The following KAZN variants were observed in gnomAD, a reference collection of about 807,000 sequenced individuals.
The protein encoded by KAZN is kazrin, periplakin interacting protein.
A neutral mutation model predicts 87.4 loss-of-function variants in KAZN; 40 were observed. The ratio of observed to expected loss-of-function variants is 0.46; its 90% CI spans 0.36 to 0.60. The LOEUF (loss-of-function observed/expected upper bound fraction) is 0.60. Ranked by LOEUF, KAZN falls within the 20% of genes least tolerant of loss-of-function variation. The pLI is 0.00. For missense variants in KAZN, 898 were observed against 1,073.9 expected, an observed-to-expected ratio of 0.84 and a Z score of 2.29; for synonymous variants, 466 against 458.3, an observed-to-expected ratio of 1.02 and a Z score of -0.22.
intron 2 of KAZN, among the ~76,000 whole-genome samples, chr1:14,472,444 A>G (rs1431698266): frequency 6.6e-6 from 1 of 152,142 alleles, no homozygotes; most frequent in Non-Finnish European, 1.5e-5. Context: ...TGACAATGCC[A>G]TATCAACATG....
chr1:14,340,558 G>A (rs185239656), intron 2 of KAZN, among the ~76,000 whole-genome samples: 3 of 152,262 alleles, frequency 2.0e-5, no homozygotes, highest in Admixed American at 6.5e-5. Context: ...AAAAATGTGT[G>A]TTTCAGTGCC....
intron 14 of KAZN, chr1:15,114,168 G>A (rs1036295547): frequency 2.5e-5 from 7 of 278,862 alleles, no homozygotes; most frequent in Non-Finnish European, 3.5e-5. Context: ...CACCCACCAA[G>A]GAGGGAAGAA....
At chr1:14,114,195 CA>C (rs1377105775) in intron 1 of KAZN, among the ~76,000 whole-genome samples, 1 of 152,210 alleles carries the variant, frequency 6.6e-6, no homozygotes, top group African/African-American at 2.4e-5. Context: ...TTCAGGGCCA[CA>C]GCAGCAGACG....
chr1:14,744,467 G>A (rs1305555101), intron 1 of KAZN, among the ~76,000 whole-genome samples: 7 of 152,002 alleles, frequency 4.6e-5, no homozygotes, highest in African/African-American at 1.7e-4. Flanking sequence ...GATGGCTCAC[G>A]CCTGTAATCC....
chr1:14,979,049 C>T (rs1210711557), intron 2 of KAZN, among the ~76,000 whole-genome samples: 5 of 151,824 alleles, frequency 3.3e-5, no homozygotes, highest in South Asian at 4.2e-4. Context: ...GGATTACAGG[C>T]GCCTGCCACC....
chr1:13,906,897 A>G (rs1215239423), intron 1 of KAZN, among the ~76,000 whole-genome samples: 3 of 152,202 alleles, frequency 2.0e-5, no homozygotes, highest in Non-Finnish European at 4.4e-5. Flanking sequence ...AGCGACAGTC[A>G]GGCAAACAGA....
At chr1:14,752,177 A>T (rs553283571) in intron 1 of KAZN, among the ~76,000 whole-genome samples, 4 of 152,304 alleles carry the variant, frequency 2.6e-5, no homozygotes, top group African/African-American at 9.6e-5. Context: ...TTCATGAAGA[A>T]TCTGCCCCTA....
rs574217047 is a variant in KAZN, at chr1:14,090,836, G to A, written c.92-89599G>A. On this transcript the variant is annotated intron_variant, in intron 1 of 16. Coordinates refer to the KAZN transcript ENST00000636203. ...TCAGCTAAACACTAGAGGAACAGCC[G>A]GGTGCGGTGGCTCAGGCCTGTAATC... Among the ~76,000 whole-genome samples the A allele has an allele frequency of 3.4e-4, 52 of 152,218 alleles. 1 individual carries two copies. In the South Asian group the frequency reaches 5.8e-3, roughly 17 times the overall value.
At chr1:14,723,650 C>G (rs1483566533) in intron 1 of KAZN, among the ~76,000 whole-genome samples, 1 of 152,242 alleles carries the variant, frequency 6.6e-6, no homozygotes, top group Admixed American at 6.5e-5. Context: ...CCCTCTCTCT[C>G]CTGCATTCGT....
rs72867353 is a variant in KAZN, at chr1:14,331,134, G to A, written c.249+150542G>A. ...CCTTGTTTTTAAATGGAATAGGAAA[G>A]TCCTGGTGGCCCCTTTTACCTCTGC... On this transcript the variant is annotated intron_variant, in intron 2 of 16. Coordinates refer to the KAZN transcript ENST00000636203. Among the ~76,000 whole-genome samples the A allele has an allele frequency of 2.8e-3, 432 of 152,278 alleles. 2 individuals carry two copies. Among genetic ancestry groups the A allele is most frequent in the African/African-American group, 9.9e-3 (411 of 41,558 alleles).
intron 2 of KAZN, among the ~76,000 whole-genome samples, chr1:14,482,164 T>A (rs536946162): frequency 1.6e-4 from 25 of 152,114 alleles, no homozygotes; most frequent in African/African-American, 5.1e-4. Flanking sequence ...ACAGGTGCCA[T>A]CTACCAAGGA....
chr1:13,900,608 G>A (rs914933936), intron 1 of KAZN, among the ~76,000 whole-genome samples: 3 of 152,200 alleles, frequency 2.0e-5, no homozygotes, highest in Admixed American at 2.0e-4. Flanking sequence ...TACATCAGAA[G>A]TAGTCTTATT....
intron 2 of KAZN, among the ~76,000 whole-genome samples, chr1:15,011,209 C>T (rs1285697022): frequency 1.3e-5 from 2 of 152,174 alleles, no homozygotes; most frequent in African/African-American, 4.8e-5. Flanking sequence ...TGGGACCTAC[C>T]CTGCTTATGT....
intron 8 of KAZN, among the ~76,000 whole-genome samples, chr1:15,074,014 C>A (rs2100602501): frequency 6.6e-6 from 1 of 152,352 alleles, no homozygotes; most frequent in South Asian, 2.1e-4. Flanking sequence ...CAGCCCAGCG[C>A]CTTCAGGGCC....
chr1:14,397,882 A>AAT (rs1040210161), intron 2 of KAZN, among the ~76,000 whole-genome samples: 7 of 150,418 alleles, frequency 4.7e-5, no homozygotes, highest in African/African-American at 7.3e-5. Flanking sequence ...AAAAAAAAAA[A>AAT]GGCAGAAGGA....
At chr1:15,015,334 G>T (rs1669979301) in intron 2 of KAZN, among the ~76,000 whole-genome samples, 1 of 152,024 alleles carries the variant, frequency 6.6e-6, no homozygotes, top group Admixed American at 6.5e-5. Context: ...TGTATTTTTA[G>T]TAGAGACGGG....
chr1:14,794,911 A>G lies in KAZN; in HGVS notation c.227-165773A>G, dbSNP rs189480648. 7.9e-3 allele frequency among the ~76,000 whole-genome samples: 1,209 copies of G among 152,320 alleles called. 6 individuals are homozygous for G. The highest frequency in any genetic ancestry group is 0.032 in the South Asian group (156 of 4,824). On this transcript the variant is annotated intron_variant, in intron 1 of 14. Coordinates refer to ENST00000376030, the MANE Select transcript of KAZN (RefSeq NM_201628.3). Reference sequence around the variant, plus strand: ...ATAAAAGCAGGCAGAGGAACATGGAAGGACTAGACTGGCTGAGTCTTCCAG... The same window carrying G: ...ATAAAAGCAGGCAGAGGAACATGGAGGGACTAGACTGGCTGAGTCTTCCAG...
intron 2 of KAZN, among the ~76,000 whole-genome samples, chr1:14,550,691 C>G (rs1384361197): frequency 1.4e-5 from 2 of 145,644 alleles, no homozygotes; most frequent in Non-Finnish European, 3.0e-5. Flanking sequence ...AGTTCCCTGC[C>G]TCTCTCCTCT....
rs374788304 is a variant in KAZN, at chr1:14,769,633, C to T, written c.226+170410C>T. On this transcript the variant is annotated intron_variant, in intron 1 of 14. Coordinates refer to ENST00000376030, the MANE Select transcript of KAZN (RefSeq NM_201628.3). This position sits in a 1 kb window ranked among gnomAD's most constrained non-coding sequence, Gnocchi z 4.1. ...CCTCCCAAAGTCCTGGGATTACAGG[C>T]GTGAGCCACCGTGCCCGGCCTGCCC... is the stretch of plus-strand genomic sequence containing the variant. 3.2e-4 allele frequency among the ~76,000 whole-genome samples: 48 copies of T among 152,282 alleles called. No individual in the cohort carries two copies. In the East Asian group the frequency reaches 5.2e-3, roughly 17 times the overall value.
Sources: gnomAD v4.1 joint callset for allele counts (sites outside exome capture counted in the v4.1 genomes callset) on GRCh38, gnomAD v4.1.1 for gene constraint, Gnocchi (gnomAD v3.1) non-coding constraint, MANE v1.5 for transcripts, NCBI Gene and HGNC (gene_info 2026-07-23, HGNC 2026-07-21) for gene names.